Variants in NCKAP5 observed in about 807,000 individuals in gnomAD.
NCKAP5 encodes the protein nck-associated protein 5.
Under a neutral mutation model 167.0 loss-of-function variants are expected in NCKAP5, and 92 were observed. The ratio of observed to expected loss-of-function variants is 0.55; its 90% CI spans 0.47 to 0.66. The LOEUF is 0.66. Ranked by LOEUF, NCKAP5 falls within the 30% of genes least tolerant of loss-of-function variation. The pLI is 0.00. For missense variants in NCKAP5, 2,378 were observed against 2,315.0 expected (o/e 1.03, Z -0.56); for synonymous variants, 891 against 877.4 (o/e 1.02, Z -0.27).
intron 8 of NCKAP5, among the ~76,000 whole-genome samples, chr2:132,960,516 T>C (rs1015419659): frequency 2.6e-5 from 4 of 152,124 alleles, no homozygotes; most frequent in African/African-American, 9.7e-5. Flanking sequence ...CCCCATATCC[T>C]TCCTAGGGTT....
At chr2:133,224,217 T>C (rs566678341) in intron 4 of NCKAP5, among the ~76,000 whole-genome samples, 134 of 152,198 alleles carry the variant, frequency 8.8e-4, no homozygotes, top group Non-Finnish European at 1.6e-3. Context: ...GTCCATGAAG[T>C]AACAAGTGCC....
At chr2:133,345,878 TAGC>T (rs1484539195) in intron 3 of NCKAP5, among the ~76,000 whole-genome samples, 1 of 152,036 alleles carries the variant, frequency 6.6e-6, no homozygotes, top group African/African-American at 2.4e-5. Flanking sequence ...TGAGGTATGA[TAGC>T]AGGCACAGAG....
At chr2:133,431,027 G>A (rs1022277999) in intron 3 of NCKAP5, among the ~76,000 whole-genome samples, 4 of 151,950 alleles carry the variant, frequency 2.6e-5, no homozygotes, top group Non-Finnish European at 4.4e-5. Flanking sequence ...GACAGAGAGA[G>A]AGACAGAGAG....
intron 11 of NCKAP5, among the ~76,000 whole-genome samples, chr2:132,809,764 T>C (rs1348377788): frequency 6.6e-6 from 1 of 152,202 alleles, no homozygotes; most frequent in Admixed American, 6.5e-5. Flanking sequence ...TTACATTGAA[T>C]GTTAGTATTG....
intron 3 of NCKAP5, among the ~76,000 whole-genome samples, chr2:133,428,222 T>C (rs7584138): frequency 0.029 from 4,377 of 152,222 alleles, 199 homozygotes; most frequent in African/African-American, 0.099. Flanking sequence ...ACCAAAACAG[T>C]AGCTAATTGC....
chr2:132,705,102 C>T (rs1336508442), intron 19 of NCKAP5, among the ~76,000 whole-genome samples: 4 of 152,154 alleles, frequency 2.6e-5, no homozygotes, highest in Admixed American at 1.3e-4. Flanking sequence ...CTAACAGCAT[C>T]TGCCCATAAG....
At chr2:132,921,619 G>A (rs964091472) in intron 8 of NCKAP5, among the ~76,000 whole-genome samples, 1 of 152,228 alleles carries the variant, frequency 6.6e-6, no homozygotes, top group Admixed American at 6.5e-5. Flanking sequence ...CCTGGAGGTA[G>A]TGGCAATCAT....
At chr2:133,627,672 G>A in the NCKAP5 span, among the ~76,000 whole-genome samples, 1 of 152,008 alleles carries the variant, frequency 6.6e-6, no homozygotes, top group Non-Finnish European at 1.5e-5. Context: ...CTCTTTAGAC[G>A]CACTCTGTGC....
the NCKAP5 span, among the ~76,000 whole-genome samples, chr2:133,606,745 GAA>G: frequency 1.3e-3 from 161 of 120,628 alleles, no homozygotes; most frequent in Middle Eastern, 4.2e-3. Flanking sequence ...GGAGTTCAGG[GAA>G]AAAAAAAAAA....
intron 2 of NCKAP5, among the ~76,000 whole-genome samples, chr2:133,533,415 C>A (rs141709119): frequency 2.0e-5 from 3 of 152,200 alleles, no homozygotes; most frequent in Non-Finnish European, 4.4e-5. Context: ...AGTGTGCAAC[C>A]TATAGACTAC....
chr2:132,939,616 G>A (rs1428416938), intron 8 of NCKAP5, among the ~76,000 whole-genome samples: 3 of 152,018 alleles, frequency 2.0e-5, no homozygotes, highest in African/African-American at 7.2e-5. Context: ...TGGGGTACAA[G>A]TGGTTTTTGG....
At chr2:133,582,242 C>T in the NCKAP5 span, among the ~76,000 whole-genome samples, 34 of 152,248 alleles carry the variant, frequency 2.2e-4, no homozygotes, top group East Asian at 5.4e-3. Context: ...AATTCTCAGG[C>T]CCAACCCCAG....
intron 16 of NCKAP5, among the ~76,000 whole-genome samples, chr2:132,758,750 T>C (rs148127182): frequency 1.4e-3 from 211 of 152,240 alleles, no homozygotes; most frequent in African/African-American, 4.3e-3. Flanking sequence ...GGGGGATGAA[T>C]GGCACAGATC....
chr2:133,341,480 A>G (rs1485941011), intron 3 of NCKAP5, among the ~76,000 whole-genome samples: 1 of 152,028 alleles, frequency 6.6e-6, no homozygotes, highest in Non-Finnish European at 1.5e-5. Flanking sequence ...TATTTTATTC[A>G]CTCCATCTTC....
chr2:133,668,376 C>A, the NCKAP5 span, among the ~76,000 whole-genome samples: 1 of 152,038 alleles, frequency 6.6e-6, no homozygotes, highest in Non-Finnish European at 1.5e-5. Flanking sequence ...AAAGTGGCTA[C>A]ACAATTTACA....
At chr2:132,860,813 T>C (rs1689844278) in intron 10 of NCKAP5, among the ~76,000 whole-genome samples, 1 of 152,196 alleles carries the variant, frequency 6.6e-6, no homozygotes, top group African/African-American at 2.4e-5. Flanking sequence ...CCAATTTTTT[T>C]TAAAAAAGCA....
chr2:133,540,190 A>G (rs1314080764), intron 2 of NCKAP5, among the ~76,000 whole-genome samples: 2 of 152,204 alleles, frequency 1.3e-5, no homozygotes, highest in African/African-American at 4.8e-5. Flanking sequence ...AAAAAGAAAA[A>G]AGAAAAAGAA....
intron 6 of NCKAP5, among the ~76,000 whole-genome samples, chr2:133,095,071 C>G (rs937804977): frequency 6.6e-6 from 1 of 152,110 alleles, no homozygotes; most frequent in Admixed American, 6.5e-5. Flanking sequence ...TTATGAGACC[C>G]TAAGAAGAGA....
At chr2:133,064,283 CA>C (rs1470467311) in intron 6 of NCKAP5, among the ~76,000 whole-genome samples, 1 of 152,182 alleles carries the variant, frequency 6.6e-6, no homozygotes, top group African/African-American at 2.4e-5. Flanking sequence ...CTCTCAGAAA[CA>C]ACACTGATTA....
Sources: allele counts gnomAD v4.1 joint callset (sites outside exome capture counted in the v4.1 genomes callset), GRCh38; gene constraint gnomAD v4.1.1; transcripts MANE v1.5; gene names NCBI Gene and HGNC (gene_info 2026-07-23, HGNC 2026-07-21).